Variants in YBEY observed in about 807,000 individuals in gnomAD.
YBEY encodes ybeY metalloendoribonuclease.
In YBEY, 15 loss-of-function variants were observed where a neutral mutation model predicts 13.5. The observed-to-expected ratio is 1.11, with a 90% CI of 0.75 to 1.72. YBEY has a LOEUF of 1.72. YBEY is among the 40% of genes most tolerant of loss of function. The pLI is 0.00. For missense variants in YBEY, 244 were observed against 208.4 expected (o/e 1.17, Z -1.05); for synonymous variants, 101 against 83.1 (o/e 1.21, Z -1.17).
chr21:46,286,972 G>A lies in YBEY; in HGVS notation c.59G>A (p.Arg20His). 6.2e-7 allele frequency: 1 copy of A among 1,614,072 alleles called. No homozygotes were observed. ...RVIPIRRAPL[R>H]SKIEIVRRIL... ...ATCCCCATCAGGAGAGCGCCACTTC[G>A]CAGTAAGATCGAGATTGTAAGGAGG... The change falls in exon 2 of 5, where the codon CGC (arginine) becomes CAC (histidine). Residue 20 changes from arginine (R) to histidine (H), a missense_variant. Coordinates refer to ENST00000397701, the MANE Select transcript of YBEY (RefSeq NM_001314025.2).
At chr21:46,291,670 GT>G (rs952745263) in intron 3 of YBEY, 2 of 1,345,612 alleles carry the variant, frequency 1.5e-6, no homozygotes, top group African/African-American at 3.0e-5. Context: ...AGAACACGCT[GT>G]GAAAACACAG....
chr21:46,300,513 G>A (rs1404272810), downstream of YBEY: 1 of 371,886 alleles, frequency 2.7e-6, no homozygotes, highest in African/African-American at 2.2e-5. Flanking sequence ...TCTGAGCTTT[G>A]GTTTGAGCTT....
downstream of YBEY, chr21:46,301,851 A>G (rs1446161682): frequency 3.1e-6 from 4 of 1,271,754 alleles, no homozygotes; most frequent in Non-Finnish European, 4.0e-6. Context: ...CAGCTTCCCC[A>G]GGAGGAGCCT....
intron 2 of YBEY, among the ~76,000 whole-genome samples, chr21:46,287,898 G>C (rs2081526458): frequency 6.6e-6 from 1 of 151,962 alleles, no homozygotes; most frequent in African/African-American, 2.4e-5. Flanking sequence ...TATAATCCTA[G>C]CTACCTGGGA....
downstream of YBEY, chr21:46,300,741 G>A (rs2082080701): frequency 7.8e-7 from 1 of 1,288,746 alleles, no homozygotes; most frequent in Admixed American, 2.3e-5. Context: ...AAAGATGGAA[G>A]CACTGGGACA....
chr21:46,296,281 C>G, intron 4 of YBEY, 51 bp downstream of exon 4: 1 of 1,600,328 alleles, frequency 6.2e-7, no homozygotes, highest in Non-Finnish European at 8.5e-7. Flanking sequence ...GGGAAGGAGG[C>G]TCCCCCAGGC....
At chr21:46,296,500 A>G (rs776037554) in intron 4 of YBEY, among the ~76,000 whole-genome samples, 1 of 152,176 alleles carries the variant, frequency 6.6e-6, no homozygotes. Context: ...AAAAGGTCCA[A>G]TCAGCTAGAG....
the YBEY span, among the ~76,000 whole-genome samples, chr21:46,309,199 G>A: frequency 6.6e-6 from 1 of 152,072 alleles, no homozygotes; most frequent in African/African-American, 2.4e-5. Context: ...GGTGGCTCAC[G>A]CCTGTAATCC....
downstream of YBEY, chr21:46,301,043 C>A (rs1014722788): frequency 1.8e-5 from 19 of 1,029,916 alleles, no homozygotes; most frequent in Non-Finnish European, 2.1e-5. Flanking sequence ...CTGTGCAAAC[C>A]AGCATGTAGA....
At chr21:46,298,573 G>A (rs1361042647), downstream of YBEY, among the ~76,000 whole-genome samples, 3 of 151,524 alleles carry the variant, frequency 2.0e-5, no homozygotes, top group Non-Finnish European at 2.9e-5. Flanking sequence ...GGGACTACAG[G>A]CGCCCGCCAC....
chr21:46,303,708 A>ATATAT, the YBEY span, among the ~76,000 whole-genome samples: 99 of 37,164 alleles, frequency 2.7e-3, 1 homozygote, highest in East Asian at 4.4e-3. Context: ...ACACACACAA[A>ATATAT]ATATATATAT....
At chr21:46,287,559 T>C (rs1424481792) in intron 2 of YBEY, among the ~76,000 whole-genome samples, 2 of 152,162 alleles carry the variant, frequency 1.3e-5, no homozygotes, top group Non-Finnish European at 2.9e-5. Flanking sequence ...TAAGTATATA[T>C]GTTACAGACA....
At chr21:46,310,578 G>GT in the YBEY span, among the ~76,000 whole-genome samples, 1 of 151,918 alleles carries the variant, frequency 6.6e-6, no homozygotes, top group African/African-American at 2.4e-5. Flanking sequence ...AGAGGCTGAG[G>GT]TGGGCGGATC....
the YBEY span, chr21:46,311,427 C>A: frequency 1.5e-6 from 2 of 1,374,940 alleles, no homozygotes; most frequent in South Asian, 1.3e-5. Flanking sequence ...TTTCCTCAAC[C>A]CACAACAATA....
At chr21:46,310,482 C>CAAAAA in the YBEY span, among the ~76,000 whole-genome samples, 1 of 126,744 alleles carries the variant, frequency 7.9e-6, no homozygotes, top group African/African-American at 3.8e-5. Context: ...TGTCTCAGAA[C>CAAAAA]AAAAAAAATA....
At chr21:46,299,869 T>C (rs1470145530), downstream of YBEY, among the ~76,000 whole-genome samples, 1 of 152,070 alleles carries the variant, frequency 6.6e-6, no homozygotes, top group Non-Finnish European at 1.5e-5. Context: ...TTTCAGGGCC[T>C]GCTCTGAGCT....
chr21:46,287,499 C>T (rs1345793847), intron 2 of YBEY, among the ~76,000 whole-genome samples: 1 of 152,140 alleles, frequency 6.6e-6, no homozygotes, highest in African/African-American at 2.4e-5. Flanking sequence ...GAGCACCCGG[C>T]CTAAATTTCA....
chr21:46,289,279 G>A (rs1030647447), intron 2 of YBEY, among the ~76,000 whole-genome samples: 2 of 152,038 alleles, frequency 1.3e-5, no homozygotes, highest in Admixed American at 6.6e-5. Flanking sequence ...AGGGATGAAA[G>A]AAATGAAAAG....
At chr21:46,299,936 G>A (rs1281902622), downstream of YBEY, among the ~76,000 whole-genome samples, 4 of 152,248 alleles carry the variant, frequency 2.6e-5, no homozygotes, top group East Asian at 7.7e-4. Flanking sequence ...ATGGGGGTGA[G>A]CTCATCCCCT....
Sources: gnomAD v4.1 joint callset for allele counts (sites outside exome capture counted in the v4.1 genomes callset) on GRCh38, gnomAD v4.1.1 for gene constraint, MANE v1.5 for transcripts, NCBI Gene and HGNC (gene_info 2026-07-23, HGNC 2026-07-21) for gene names.